The following EYA4 variants were observed in gnomAD, a reference collection of about 807,000 sequenced individuals.
EYA4 encodes the protein EYA transcriptional coactivator and phosphatase 4.
Under a neutral mutation model 87.9 loss-of-function variants are expected in EYA4, and 31 were observed. The ratio of observed to expected loss-of-function variants is 0.35; its 90% CI spans 0.27 to 0.48. EYA4 has a LOEUF of 0.48. Ranked by LOEUF, EYA4 falls within the 20% of genes least tolerant of loss-of-function variation. The pLI is 0.99. For missense variants in EYA4, 678 were observed against 761.4 expected, an observed-to-expected ratio of 0.89 and a Z score of 1.29; for synonymous variants, 263 against 270.6, an observed-to-expected ratio of 0.97 and a Z score of 0.28.
intron 3 of EYA4, among the ~76,000 whole-genome samples, chr6:133,408,430 G>A (rs1788919098): frequency 6.6e-6 from 1 of 151,998 alleles, no homozygotes. Context: ...ATATATATTT[G>A]GTCTGGTTCT....
At chr6:133,434,575 G>A (rs80147015) in intron 3 of EYA4, among the ~76,000 whole-genome samples, 5,265 of 152,216 alleles carry the variant, frequency 0.035, 267 homozygotes, top group African/African-American at 0.1. Context: ...ATGAGGCAGA[G>A]TTTAAAATTC....
At position 133,241,709 on chromosome 6, in the gene EYA4, G is replaced by A. The variant is rs1321837958; in HGVS notation, c.-106G>A. 2 of 152,350 alleles carry A rather than the reference G, an allele frequency of 1.3e-5. No individual in the cohort carries two copies. The highest frequency in any genetic ancestry group is 2.9e-5 in the Non-Finnish European group (2 of 68,190). 9.4% of individuals were successfully genotyped at this position (152,350 alleles called of 1,614,324 possible). A position where few individuals can be genotyped will look rare whatever the true frequency, so the allele number is the denominator to read the frequency against. On this transcript the variant is annotated 5_prime_UTR_variant, in exon 1 of 20. Transcript: ENST00000355286. ...TTACGGACGCACTGAACCGCGGCTG[G>A]GACAGACACTTCGGGAACCCGAGGC...
intron 10 of EYA4, among the ~76,000 whole-genome samples, chr6:133,465,564 G>A (rs966394645): frequency 4.6e-5 from 7 of 152,048 alleles, no homozygotes; most frequent in Admixed American, 2.0e-4. Flanking sequence ...AAATCAGCTC[G>A]GAGTGAGATG....
At chr6:133,285,337 G>A (rs1230145740) in intron 2 of EYA4, among the ~76,000 whole-genome samples, 1 of 152,134 alleles carries the variant, frequency 6.6e-6, no homozygotes, top group Non-Finnish European at 1.5e-5. Context: ...GAGGAAGTGA[G>A]CCATGTGGAT....
intron 6 of EYA4, among the ~76,000 whole-genome samples, chr6:133,458,977 C>T (rs949873228): frequency 3.3e-5 from 5 of 151,996 alleles, no homozygotes; most frequent in East Asian, 1.9e-4. Context: ...GGGAATAAAA[C>T]GAAATTCTTT....
At chr6:133,343,240 A>G (rs1012137528) in intron 2 of EYA4, among the ~76,000 whole-genome samples, 5 of 152,220 alleles carry the variant, frequency 3.3e-5, no homozygotes, top group Admixed American at 1.3e-4. Context: ...ATATGAAAAG[A>G]TATAATTCTT....
At chr6:133,357,902 A>G (rs1358959752) in intron 2 of EYA4, among the ~76,000 whole-genome samples, 2 of 151,660 alleles carry the variant, frequency 1.3e-5, no homozygotes, top group Non-Finnish European at 2.9e-5. Flanking sequence ...ATACAGTTCT[A>G]TAAAATTATA....
chr6:133,321,102 G>GT (rs1292487965), intron 2 of EYA4, among the ~76,000 whole-genome samples: 1 of 152,164 alleles, frequency 6.6e-6, no homozygotes. Flanking sequence ...TGAATGACAC[G>GT]TTGTTGCTAA....
intron 2 of EYA4, among the ~76,000 whole-genome samples, chr6:133,334,404 A>G (rs1782209195): frequency 1.3e-5 from 2 of 152,164 alleles, no homozygotes; most frequent in Admixed American, 6.5e-5. Context: ...TTTTCTTTCA[A>G]TGTGATTTGT....
At chr6:133,423,777 T>C (rs1375964651) in intron 3 of EYA4, among the ~76,000 whole-genome samples, 2 of 152,186 alleles carry the variant, frequency 1.3e-5, no homozygotes, top group African/African-American at 2.4e-5. Flanking sequence ...AAAAGTTTGC[T>C]CCTGCCCCTT....
intron 3 of EYA4, among the ~76,000 whole-genome samples, chr6:133,423,740 A>G (rs1431640907): frequency 6.6e-6 from 1 of 152,214 alleles, no homozygotes; most frequent in Non-Finnish European, 1.5e-5. Context: ...TACCACAGTC[A>G]AGATAATTAA....
chr6:133,299,603 T>G (rs942663615), intron 2 of EYA4, among the ~76,000 whole-genome samples: 31 of 151,074 alleles, frequency 2.1e-4, no homozygotes, highest in African/African-American at 7.3e-4. Flanking sequence ...TCCCAGCTAC[T>G]CGGGAGGCTG....
chr6:133,335,277 C>T (rs999039910), intron 2 of EYA4, among the ~76,000 whole-genome samples: 7 of 152,208 alleles, frequency 4.6e-5, no homozygotes, highest in African/African-American at 1.7e-4. Flanking sequence ...AAGGACTCAA[C>T]AATAAGTGCT....
Position 133,514,975 on chromosome 6 carries a change from C to T in EYA4, c.1502-346C>T, listed in dbSNP as rs1429823890. On this transcript the variant is annotated intron_variant, in intron 16 of 19. Coordinates refer to ENST00000355286, the MANE Select transcript of EYA4 (RefSeq NM_004100.5). The stretch of plus-strand genomic sequence containing the variant: ...GAAGCCCAACTATTCCTCCAGACCT[C>T]AAATATCACAGTCCCTTGGAATAAG... Among the ~76,000 whole-genome samples, 4 of 152,264 alleles carry T rather than the reference C, an allele frequency of 2.6e-5. No homozygotes were observed. In the East Asian group the frequency reaches 7.7e-4, roughly 29 times the overall value.
intron 6 of EYA4, among the ~76,000 whole-genome samples, chr6:133,456,959 G>A (rs1028150029): frequency 9.2e-5 from 14 of 152,112 alleles, no homozygotes; most frequent in African/African-American, 2.7e-4. Context: ...TTAAGTTGTA[G>A]TAGCTGACCT....
chr6:133,456,473 C>G, intron 5 of EYA4, 83 bp from the exon 6 acceptor site: 1 of 967,098 alleles, frequency 1.0e-6, no homozygotes, highest in Non-Finnish European at 1.7e-6. Flanking sequence ...CCCATGGTAG[C>G]TAGAAATATC....
chr6:133,399,120 C>T (rs547138904), intron 3 of EYA4, among the ~76,000 whole-genome samples: 1 of 152,278 alleles, frequency 6.6e-6, no homozygotes, highest in South Asian at 2.1e-4. Context: ...TTCAGGTCAG[C>T]ATGCAAAGGG....
intron 2 of EYA4, among the ~76,000 whole-genome samples, chr6:133,357,369 G>C (rs1000573508): frequency 2.0e-5 from 3 of 151,838 alleles, no homozygotes; most frequent in Non-Finnish European, 4.4e-5. Flanking sequence ...AAGAAAAGGG[G>C]GGACCTTTGT....
At chr6:133,363,853 C>T (rs2128451783) in intron 2 of EYA4, among the ~76,000 whole-genome samples, 1 of 152,324 alleles carries the variant, frequency 6.6e-6, no homozygotes, top group South Asian at 2.1e-4. Flanking sequence ...AAGGGCCCAA[C>T]AGGCCTGGGT....
Sources: gnomAD v4.1 joint callset for allele counts (sites outside exome capture counted in the v4.1 genomes callset) on GRCh38, gnomAD v4.1.1 for gene constraint, MANE v1.5 for transcripts, NCBI Gene and HGNC (gene_info 2026-07-23, HGNC 2026-07-21) for gene names.